The following PHLDB2 variants were observed in gnomAD, a reference collection of about 807,000 sequenced individuals.
PHLDB2 encodes pleckstrin homology like domain family B member 2.
Under a neutral mutation model 123.6 loss-of-function variants are expected in PHLDB2, and 71 were observed. That is an observed-to-expected ratio of 0.57 (90% confidence interval 0.47 to 0.70). PHLDB2 has a LOEUF of 0.70. Among genes scored for constraint, PHLDB2 ranks in the 30% least tolerant of loss-of-function variants. The pLI is 0.00. For missense variants in PHLDB2, 1,446 were observed against 1,519.5 expected (o/e 0.95, Z 0.80); for synonymous variants, 547 against 541.6 (o/e 1.01, Z -0.14).
intron 13 of PHLDB2, among the ~76,000 whole-genome samples, chr3:111,962,560 T>C (rs1469115751): frequency 6.6e-6 from 1 of 152,278 alleles, no homozygotes; most frequent in East Asian, 1.9e-4. Context: ...CCACTTGAGC[T>C]CAAATTTACA....
intron 1 of PHLDB2, among the ~76,000 whole-genome samples, chr3:111,835,254 C>G (rs1024334224): frequency 2.0e-5 from 3 of 152,110 alleles, no homozygotes; most frequent in African/African-American, 4.8e-5. Flanking sequence ...GCTGTAGCAT[C>G]TAGAGCTGTG....
At chr3:111,827,326 G>A (rs970868413) in intron 1 of PHLDB2, among the ~76,000 whole-genome samples, 2 of 152,178 alleles carry the variant, frequency 1.3e-5, no homozygotes, top group African/African-American at 2.4e-5. Context: ...TGCAGCCTAA[G>A]CTCTTACCAC....
rs749036916 is a variant in PHLDB2 at position 111,885,090 on chromosome 3, C to T, written c.1013C>T (p.Ala338Val). ...TLSVPASPRVARKMLLASTSS... is the reference protein window; with the variant it reads ...TLSVPASPRVVRKMLLASTSS... ...AGTGTCCCTGCCAGTCCACGAGTGG[C>T]TCGGAAGATGCTTCTGGCCTCCACC... is the stretch of plus-strand genomic sequence containing the variant. Residue 338 changes from alanine to valine, a missense_variant, in exon 2 of 18, where the codon GCT becomes GTT. Transcript: ENST00000431670. 6.8e-6 allele frequency: 11 copies of T among 1,614,162 alleles called. No homozygotes were observed. Among genetic ancestry groups the T allele is most frequent in the Non-Finnish European group, 9.3e-6 (11 of 1,180,036 alleles).
chr3:111,813,083 A>G (rs2061914691), intron 1 of PHLDB2, among the ~76,000 whole-genome samples: 2 of 152,236 alleles, frequency 1.3e-5, no homozygotes, highest in South Asian at 4.1e-4. Flanking sequence ...GGTAGTTTGT[A>G]GCATGTTTAA....
In PHLDB2 at chr3:111,974,597, G is replaced by A. The variant is rs571669085; in HGVS notation, c.*34G>A. The A allele has an allele frequency of 1.3e-5, 20 of 1,555,772 alleles. No individual in the cohort carries two copies. Among genetic ancestry groups the A allele is most frequent in the Middle Eastern group, 1.7e-4 (1 of 5,828 alleles). ...GGCAACAGTCCACTTCAGGGCAGACGGCAATAATCTCTTACAAGAATGAAG... is the reference window on the plus strand; with the variant it reads ...GGCAACAGTCCACTTCAGGGCAGACAGCAATAATCTCTTACAAGAATGAAG... On this transcript the variant is annotated 3_prime_UTR_variant, in exon 18 of 18. Transcript: ENST00000431670.
chr3:111,956,582 A>C (rs1287357424), intron 12 of PHLDB2, among the ~76,000 whole-genome samples: 1 of 152,182 alleles, frequency 6.6e-6, no homozygotes, highest in Non-Finnish European at 1.5e-5. Flanking sequence ...CTTCCTCTTG[A>C]AGAGTTTCAT....
At chr3:111,860,355 A>G (rs767613016) in intron 1 of PHLDB2, among the ~76,000 whole-genome samples, 21 of 151,832 alleles carry the variant, frequency 1.4e-4, no homozygotes, top group Admixed American at 2.0e-4. Context: ...TTGGCCTTTG[A>G]CCCCCCACTG....
rs573605394 is a variant in PHLDB2 at position 111,874,566 on chromosome 3, G to A, written c.-14-9498G>A. On this transcript the variant is annotated intron_variant, in intron 1 of 17. Coordinates refer to ENST00000431670, the MANE Select transcript of PHLDB2 (RefSeq NM_001134438.2). ...TAACAAAGCCTCTGCAAGCCTGGAT[G>A]AGGCTAGTTGTCCTAGCAGGGGGGT... 3.3e-5 allele frequency among the ~76,000 whole-genome samples: 5 copies of A among 152,316 alleles called. No homozygotes were observed. In the South Asian group the frequency reaches 1.0e-3, roughly 32 times the overall value.
intron 1 of PHLDB2, among the ~76,000 whole-genome samples, chr3:111,777,991 G>A (rs1003390471): frequency 1.3e-5 from 2 of 151,678 alleles, no homozygotes; most frequent in Non-Finnish European, 1.5e-5. Flanking sequence ...TTTTATAAGC[G>A]TAGGAGCTGA....
At chr3:111,948,855 G>A in intron 9 of PHLDB2, 77 bp from the exon 10 acceptor site, 1 of 1,439,000 alleles carries the variant, frequency 6.9e-7, no homozygotes, top group South Asian at 1.2e-5. Context: ...TAACTTCATT[G>A]TACTGGGAAC....
At chr3:111,952,535 C>A in intron 10 of PHLDB2, 37 bp from the exon 11 acceptor site, 1 of 1,591,420 alleles carries the variant, frequency 6.3e-7, no homozygotes, top group Admixed American at 1.9e-5. Context: ...TACAGTTAGT[C>A]AAGTTTTGCT....
intron 1 of PHLDB2, among the ~76,000 whole-genome samples, chr3:111,824,831 A>G (rs1257006408): frequency 6.6e-6 from 1 of 152,200 alleles, no homozygotes; most frequent in Non-Finnish European, 1.5e-5. Flanking sequence ...ATTTTAAAGT[A>G]TGTACTCTGT....
intron 1 of PHLDB2, among the ~76,000 whole-genome samples, chr3:111,830,890 T>C (rs1176589830): frequency 6.8e-6 from 1 of 147,990 alleles, no homozygotes; most frequent in East Asian, 2.0e-4. Context: ...GGTGGGATCT[T>C]AGGGGACTCA....
intron 1 of PHLDB2, among the ~76,000 whole-genome samples, chr3:111,799,716 G>A (rs2061312120): frequency 6.6e-6 from 1 of 152,116 alleles, no homozygotes; most frequent in Admixed American, 6.6e-5. Flanking sequence ...CTTCCTATGT[G>A]AAGATATCTA....
rs1156257593 is a variant in PHLDB2 at position 111,944,252 on chromosome 3, G to C, written c.2398-1016G>C. ...TCATAAGGGTGGAAGTTGACAGGTAGGGGCATGAGGAAATGATTGGGGTGA... is the reference window on the plus strand; with the variant it reads ...TCATAAGGGTGGAAGTTGACAGGTACGGGCATGAGGAAATGATTGGGGTGA... On this transcript the variant is annotated intron_variant, in intron 8 of 17. Coordinates refer to ENST00000431670, the MANE Select transcript of PHLDB2 (RefSeq NM_001134438.2). 1.3e-5 allele frequency among the ~76,000 whole-genome samples: 2 copies of C among 152,184 alleles called. 1 individual carries two copies. The highest frequency in any genetic ancestry group is 3.8e-4 in the East Asian group (2 of 5,198).
intron 1 of PHLDB2, among the ~76,000 whole-genome samples, chr3:111,814,553 G>A (rs1228731012): frequency 4.0e-5 from 6 of 151,350 alleles, no homozygotes; most frequent in Non-Finnish European, 2.9e-5. Flanking sequence ...ACCCCATGAT[G>A]TTAAGTTTTC....
At position 111,830,957 on chromosome 3, in the gene PHLDB2, GAAAGAA is replaced by G. The variant is rs1241793108; in HGVS notation, c.-48-14862_-48-14857del. Among the ~76,000 whole-genome samples, 123 of 27,424 alleles carry G rather than the reference GAAAGAA, an allele frequency of 4.5e-3. 9 individuals are homozygous for G. Among genetic ancestry groups the G allele is most frequent in the South Asian group, 0.014 (14 of 970 alleles). The allele number at this position is 27,424 out of a possible 152,430, so 18.0% of individuals were successfully genotyped here. A position where few individuals can be genotyped will look rare whatever the true frequency, so the allele number is the denominator to read the frequency against. On this transcript the variant is annotated intron_variant, in intron 1 of 17. Coordinates refer to the PHLDB2 transcript ENST00000393923. ...AAGAAAAGAAGGAAAGAAAGAAAGA[GAAAGAA>G]AGAAAGAAAGAAAGAAAGAAAGAAA...
At chr3:111,869,154 A>AT (rs933979214) in intron 1 of PHLDB2, among the ~76,000 whole-genome samples, 5 of 150,950 alleles carry the variant, frequency 3.3e-5, no homozygotes, top group Non-Finnish European at 7.4e-5. Flanking sequence ...ACCATCTGGA[A>AT]TTTTTTTTTT....
intron 6 of PHLDB2, 26 bp downstream of exon 6, chr3:111,932,423 G>C (rs1246228063): frequency 2.6e-6 from 4 of 1,527,678 alleles, no homozygotes; most frequent in Non-Finnish European, 3.5e-6. Context: ...GAATGCACCA[G>C]TTATTTTGCT....
Sources: gnomAD v4.1 joint callset for allele counts (sites outside exome capture counted in the v4.1 genomes callset) on GRCh38, gnomAD v4.1.1 for gene constraint, MANE v1.5 for transcripts, NCBI Gene and HGNC (gene_info 2026-07-23, HGNC 2026-07-21) for gene names.